GMDS: variants seen among roughly 807,000 people sequenced by gnomAD.
GMDS encodes GDP-mannose 4,6-dehydratase.
In GMDS, 20 loss-of-function variants were observed where a neutral mutation model predicts 49.9. That is an observed-to-expected ratio of 0.40 (90% CI 0.28 to 0.58). The LOEUF (loss-of-function observed/expected upper bound fraction) is 0.58. Ranked by LOEUF, GMDS falls within the 20% of genes least tolerant of loss-of-function variation. The pLI is 0.42. For synonymous variants in GMDS, 177 were observed against 178.6 expected, an observed-to-expected ratio of 0.99 and a Z score of 0.07; for missense variants, 362 against 481.4, an observed-to-expected ratio of 0.75 and a Z score of 2.32.
intron 9 of GMDS, among the ~76,000 whole-genome samples, chr6:1,639,395 A>G (rs1763260122): frequency 6.6e-6 from 1 of 152,196 alleles, no homozygotes. Context: ...GTGAGGAACG[A>G]GCAGAAGGTA....
chr6:1,807,045 T>A (rs1561816659), intron 7 of GMDS, among the ~76,000 whole-genome samples: 1 of 152,088 alleles, frequency 6.6e-6, no homozygotes, highest in Non-Finnish European at 1.5e-5. Context: ...ATTTTCAGAA[T>A]TATAATTTTT....
At chr6:1,710,473 G>A (rs751111773) in intron 9 of GMDS, among the ~76,000 whole-genome samples, 2 of 152,214 alleles carry the variant, frequency 1.3e-5, no homozygotes, top group South Asian at 2.1e-4. Context: ...CCAGGCTGTG[G>A]TCAGACCTGA....
At chr6:2,124,795 G>T in intron 1 of GMDS, 64 bp from the exon 2 acceptor site, 1 of 1,254,198 alleles carries the variant, frequency 8.0e-7, no homozygotes, top group Non-Finnish European at 1.2e-6. Flanking sequence ...TGGTCTAGAT[G>T]AAGAGTTTTG....
chr6:1,812,926 T>C (rs1166891738), intron 7 of GMDS, among the ~76,000 whole-genome samples: 2 of 152,170 alleles, frequency 1.3e-5, no homozygotes, highest in Admixed American at 6.5e-5. Flanking sequence ...TAGGTGCTTC[T>C]AAAATAAGTT....
chr6:2,138,308 C>A (rs1448732056), intron 1 of GMDS, among the ~76,000 whole-genome samples: 1 of 152,112 alleles, frequency 6.6e-6, no homozygotes, highest in East Asian at 1.9e-4. Flanking sequence ...TGAAAAATAT[C>A]TTTAAGTTTT....
intron 4 of GMDS, among the ~76,000 whole-genome samples, chr6:1,989,843 C>T (rs938779549): frequency 9.9e-5 from 15 of 152,256 alleles, no homozygotes; most frequent in Non-Finnish European, 2.9e-5. Flanking sequence ...GAAGATACGC[C>T]CTTGGGGCCA....
At chr6:1,974,427 C>A (rs1314912675) in intron 4 of GMDS, among the ~76,000 whole-genome samples, 3 of 152,022 alleles carry the variant, frequency 2.0e-5, no homozygotes, top group East Asian at 1.9e-4. Flanking sequence ...ATAAGAACAG[C>A]AACCAGATAC....
intron 1 of GMDS, among the ~76,000 whole-genome samples, chr6:2,195,798 A>C (rs1250115521): frequency 6.6e-6 from 1 of 151,404 alleles, no homozygotes; most frequent in East Asian, 1.9e-4. Flanking sequence ...CCTGGGCAAC[A>C]TAAGAAAGAC....
At chr6:2,130,489 G>T (rs1775676668) in intron 1 of GMDS, among the ~76,000 whole-genome samples, 1 of 152,122 alleles carries the variant, frequency 6.6e-6, no homozygotes, top group South Asian at 2.1e-4. Flanking sequence ...TCCTTTCAAG[G>T]GCAATAGCCT....
At chr6:1,971,098 C>T (rs1463591546) in intron 4 of GMDS, among the ~76,000 whole-genome samples, 5 of 151,920 alleles carry the variant, frequency 3.3e-5, no homozygotes, top group Admixed American at 3.3e-4. Context: ...AATGCACCGG[C>T]AATGTTTGGG....
At chr6:1,702,925 A>C (rs1016565027) in intron 9 of GMDS, among the ~76,000 whole-genome samples, 4 of 152,170 alleles carry the variant, frequency 2.6e-5, no homozygotes, top group Admixed American at 6.5e-5. Context: ...TTGACTTATG[A>C]CTGCTGGGGT....
chr6:2,131,971 T>C (rs1263125520), intron 1 of GMDS, among the ~76,000 whole-genome samples: 1 of 152,140 alleles, frequency 6.6e-6, no homozygotes, highest in Admixed American at 6.5e-5. Context: ...CTAAGAAGGA[T>C]AGTGAGCACT....
chr6:2,010,155 C>T (rs541344441), intron 4 of GMDS, among the ~76,000 whole-genome samples: 76 of 151,892 alleles, frequency 5.0e-4, no homozygotes, highest in South Asian at 1.5e-3. Context: ...GGTGAAACCC[C>T]GTCTCCACTA....
chr6:1,757,292 A>G (rs992246385), intron 7 of GMDS, among the ~76,000 whole-genome samples: 2 of 152,100 alleles, frequency 1.3e-5, no homozygotes, highest in Non-Finnish European at 2.9e-5. Flanking sequence ...GCCCAATACC[A>G]CTGCTGTCAC....
At chr6:1,861,229 A>T (rs1297545684) in intron 7 of GMDS, among the ~76,000 whole-genome samples, 1 of 152,226 alleles carries the variant, frequency 6.6e-6, no homozygotes, top group African/African-American at 2.4e-5. Context: ...TGACATCTCT[A>T]AAGTTCTGGG....
At chr6:2,069,898 C>T (rs1386953559) in intron 4 of GMDS, among the ~76,000 whole-genome samples, 1 of 152,062 alleles carries the variant, frequency 6.6e-6, no homozygotes, top group Non-Finnish European at 1.5e-5. Flanking sequence ...TACCATTTGA[C>T]CCAGCCATCC....
At chr6:2,210,753 A>G (rs980126268) in intron 1 of GMDS, among the ~76,000 whole-genome samples, 2 of 152,194 alleles carry the variant, frequency 1.3e-5, no homozygotes, top group African/African-American at 4.8e-5. Flanking sequence ...CCTCTGCCCT[A>G]TCACACCACA....
intron 1 of GMDS, among the ~76,000 whole-genome samples, chr6:2,236,583 C>T (rs1449293306): frequency 6.6e-6 from 1 of 152,166 alleles, no homozygotes; most frequent in Non-Finnish European, 1.5e-5. Context: ...AAAAATACTA[C>T]TAGTGTCTGC....
chr6:1,771,289 C>T (rs889989741), intron 7 of GMDS, among the ~76,000 whole-genome samples: 2 of 152,206 alleles, frequency 1.3e-5, no homozygotes, highest in African/African-American at 4.8e-5. Flanking sequence ...TTCCTCCTCA[C>T]TCTCTTCAAC....
Sources: allele counts gnomAD v4.1 joint callset (sites outside exome capture counted in the v4.1 genomes callset), GRCh38; gene constraint gnomAD v4.1.1; transcripts MANE v1.5; gene names NCBI Gene and HGNC (gene_info 2026-07-23, HGNC 2026-07-21).